The following PSD3 variants were observed in gnomAD, a reference collection of about 807,000 sequenced individuals.
PSD3 encodes PH and SEC7 domain-containing protein 3.
In PSD3, 49 loss-of-function variants were observed where a neutral mutation model predicts 105.5. The observed-to-expected ratio is 0.46, with a 90% CI of 0.37 to 0.59. The LOEUF (loss-of-function observed/expected upper bound fraction) is 0.59, where lower values mean the gene tolerates loss of function less well. Among genes scored for constraint, PSD3 ranks in the 20% least tolerant of loss-of-function variants. The probability of loss-of-function intolerance (pLI) is 0.00; values close to 1 mark genes in which losing one functional copy is unlikely to be tolerated. For synonymous variants in PSD3, 557 were observed against 457.8 expected, an observed-to-expected ratio of 1.22 and a Z score of -2.77; for missense variants, 1,561 against 1,263.8, an observed-to-expected ratio of 1.24 and a Z score of -3.57.
intron 1 of PSD3, among the ~76,000 whole-genome samples, chr8:18,937,758 C>T (rs922709667): frequency 2.4e-4 from 36 of 152,294 alleles, no homozygotes; most frequent in Middle Eastern, 3.4e-3. Flanking sequence ...GTTTGGGGAG[C>T]TTCAGGCTAG....
chr8:18,886,773 T>A (rs1371513277), intron 2 of PSD3, among the ~76,000 whole-genome samples: 1 of 152,294 alleles, frequency 6.6e-6, no homozygotes, highest in East Asian at 1.9e-4. Flanking sequence ...CAGCCCCTTT[T>A]GCCCTGCACT....
At chr8:19,039,435 A>G (rs979567931) in intron 1 of PSD3, among the ~76,000 whole-genome samples, 1 of 152,312 alleles carries the variant, frequency 6.6e-6, no homozygotes, top group East Asian at 1.9e-4. Context: ...ACTTTTCTGT[A>G]TCCTGACTTC....
intron 9 of PSD3, among the ~76,000 whole-genome samples, chr8:18,721,882 G>A (rs941326247): frequency 3.3e-5 from 5 of 152,074 alleles, no homozygotes; most frequent in Non-Finnish European, 5.9e-5. Flanking sequence ...AGGCCTACGA[G>A]ACACCCAATG....
At chr8:19,069,260 C>T (rs1345264341) in intron 1 of PSD3, among the ~76,000 whole-genome samples, 3 of 152,128 alleles carry the variant, frequency 2.0e-5, no homozygotes, top group Non-Finnish European at 4.4e-5. Context: ...AACAATAAAT[C>T]TTATTCGGGC....
chr8:19,079,191 T>C (rs960540440), intron 1 of PSD3, among the ~76,000 whole-genome samples: 15 of 152,190 alleles, frequency 9.9e-5, no homozygotes, highest in African/African-American at 3.1e-4. Context: ...AATCACAAGA[T>C]GAGAAAGGAT....
At position 18,969,462 on chromosome 8, in the gene PSD3, C is replaced by G. The variant is rs560485104; in HGVS notation, c.22-33320G>C. The stretch of plus-strand genomic sequence containing the variant: ...CAGAAAAGTTCTGGGTGACAGGGGA[C>G]TCTGTAATGACAGACAATGTATGCA... On this transcript the variant is annotated intron_variant, in intron 1 of 15. Transcript: ENST00000327040. 1.9e-3 allele frequency among the ~76,000 whole-genome samples: 288 copies of G among 152,282 alleles called. 1 individual carries two copies. The highest frequency in any genetic ancestry group is 6.9e-3 in the African/African-American group (285 of 41,538).
intron 1 of PSD3, among the ~76,000 whole-genome samples, chr8:19,029,213 A>G (rs753307334): frequency 5.6e-4 from 86 of 152,342 alleles, no homozygotes; most frequent in Non-Finnish European, 4.4e-5. Flanking sequence ...TATGATGTCA[A>G]TTGGGATGGC....
At chr8:18,635,438 C>T (rs1807182198) in intron 10 of PSD3, among the ~76,000 whole-genome samples, 1 of 152,008 alleles carries the variant, frequency 6.6e-6, no homozygotes, top group East Asian at 1.9e-4. Flanking sequence ...CAACCATTGT[C>T]TTGTAAAATT....
chr8:19,058,593 A>T lies in PSD3; in HGVS notation c.324+25613T>A, dbSNP rs183040594. On this transcript the variant is annotated intron_variant, in intron 1 of 1. Transcript: ENST00000521475. ...AATTTTACTGTATGATAATTTTTTT[A>T]AAAAAGTGTTGTCTACCCTACCAGC... Among the ~76,000 whole-genome samples, 90 of 152,004 alleles carry T rather than the reference A, an allele frequency of 5.9e-4. No individual in the cohort carries two copies. The East Asian group carries it at 0.013, about 22-fold the overall frequency.
At chr8:18,835,861 G>A (rs1014237047) in intron 4 of PSD3, among the ~76,000 whole-genome samples, 5 of 152,234 alleles carry the variant, frequency 3.3e-5, no homozygotes, top group Non-Finnish European at 5.9e-5. Flanking sequence ...AGGCCACAGA[G>A]CGGTGTATGC....
Position 18,632,675 on chromosome 8 carries a change from G to A in PSD3, c.2348C>T (p.Ala783Val). Residue 783 changes from alanine to valine, a missense_variant, in exon 11 of 16, where the codon GCT becomes GTT. Transcript: ENST00000327040. ...PFLDIPHDPNAAVYKSGFLAR... is the reference protein window; with the variant it reads ...PFLDIPHDPNVAVYKSGFLAR... Reference sequence around the variant, plus strand: ...CAAGAATCCACTTTTGTACACAGCAGCATTTGGATCATGAGGAATGTCCAA... The same window carrying A: ...CAAGAATCCACTTTTGTACACAGCAACATTTGGATCATGAGGAATGTCCAA... 6.2e-7 allele frequency: 1 copy of A among 1,612,754 alleles called. No individual in the cohort carries two copies. Among genetic ancestry groups the A allele is most frequent in the Non-Finnish European group, 8.5e-7 (1 of 1,179,118 alleles).
At chr8:18,803,735 G>C (rs1028202199) in intron 6 of PSD3, among the ~76,000 whole-genome samples, 9 of 151,860 alleles carry the variant, frequency 5.9e-5, no homozygotes, top group African/African-American at 2.2e-4. Flanking sequence ...AAATCATCGA[G>C]AAGAGAAGTA....
chr8:18,637,481 C>A (rs1263848984), intron 10 of PSD3, among the ~76,000 whole-genome samples: 1 of 152,218 alleles, frequency 6.6e-6, no homozygotes, highest in African/African-American at 2.4e-5. Context: ...CAACTCCTCT[C>A]TCCCATCGAT....
chr8:18,864,255 G>T (rs1020101334), intron 4 of PSD3, among the ~76,000 whole-genome samples: 1 of 152,224 alleles, frequency 6.6e-6, no homozygotes, highest in African/African-American at 2.4e-5. Flanking sequence ...TTCGAGGGCT[G>T]AGTATGCCAC....
At chr8:18,772,090 A>G (rs371299857) in intron 8 of PSD3, among the ~76,000 whole-genome samples, 14 of 152,166 alleles carry the variant, frequency 9.2e-5, no homozygotes, top group African/African-American at 3.4e-4. Flanking sequence ...ACGATTTTCC[A>G]TTTTATGTAG....
intron 12 of PSD3, among the ~76,000 whole-genome samples, chr8:18,595,226 C>A (rs1272339596): frequency 7.8e-4 from 54 of 69,392 alleles, no homozygotes; most frequent in African/African-American, 2.6e-3. Flanking sequence ...AACAAACAAA[C>A]AAAAAAAACC....
intron 15 of PSD3, among the ~76,000 whole-genome samples, chr8:18,550,543 ACAC>A (rs1195950399): frequency 6.6e-6 from 1 of 152,208 alleles, no homozygotes; most frequent in African/African-American, 2.4e-5. Context: ...AAATATATTT[ACAC>A]CACCTAACCT....
At chr8:18,806,195 T>A (rs182382599) in intron 4 of PSD3, among the ~76,000 whole-genome samples, 305 of 152,302 alleles carry the variant, frequency 2.0e-3, no homozygotes, top group Non-Finnish European at 3.2e-3. Flanking sequence ...GAGAATACGA[T>A]GACTAGAAGA....
At chr8:18,576,834 C>T (rs1802489094) in intron 12 of PSD3, among the ~76,000 whole-genome samples, 2 of 151,580 alleles carry the variant, frequency 1.3e-5, no homozygotes, top group African/African-American at 4.8e-5. Flanking sequence ...TACTGATCCC[C>T]TAACACACCT....
Sources: allele counts gnomAD v4.1 joint callset (sites outside exome capture counted in the v4.1 genomes callset), GRCh38; gene constraint gnomAD v4.1.1; transcripts MANE v1.5; gene names NCBI Gene and HGNC (gene_info 2026-07-23, HGNC 2026-07-21).